Variants in CAST observed in about 807,000 individuals in gnomAD.
CAST encodes the protein calpastatin, also known as MIR583 host.
Under a neutral mutation model 119.6 loss-of-function variants are expected in CAST, and 76 were observed. The observed-to-expected ratio is 0.64, with a 90% CI of 0.53 to 0.77. CAST has a LOEUF of 0.77. CAST is among the 30% of genes least tolerant of loss of function. The probability of loss-of-function intolerance (pLI) is 0.00; values close to 1 mark genes in which losing one functional copy is unlikely to be tolerated. For missense variants in CAST, 953 were observed against 946.5 expected, an observed-to-expected ratio of 1.01 and a Z score of -0.09; for synonymous variants, 319 against 331.6, an observed-to-expected ratio of 0.96 and a Z score of 0.41.
the CAST span, among the ~76,000 whole-genome samples, chr5:96,082,871 C>T: frequency 6.6e-6 from 1 of 152,136 alleles, no homozygotes; most frequent in South Asian, 2.1e-4. Flanking sequence ...ATTTCACTCC[C>T]TACAGATACC....
chr5:96,185,525 A>G, the CAST span, among the ~76,000 whole-genome samples: 1 of 152,186 alleles, frequency 6.6e-6, no homozygotes, highest in Non-Finnish European at 1.5e-5. Context: ...TAATTTTTGT[A>G]TATGGCATAA....
chr5:96,012,974 C>G, the CAST span, among the ~76,000 whole-genome samples: 1 of 152,054 alleles, frequency 6.6e-6, no homozygotes, highest in Non-Finnish European at 1.5e-5. Context: ...GGCACTGAAG[C>G]CTGAAGCAGT....
chr5:96,330,927 T>C, the CAST span, among the ~76,000 whole-genome samples: 1 of 152,182 alleles, frequency 6.6e-6, no homozygotes, highest in Admixed American at 6.5e-5. Context: ...CAGTAACTTC[T>C]GTGCTCATCT....
chr5:96,487,509 A>T, the CAST span, among the ~76,000 whole-genome samples: 2 of 152,166 alleles, frequency 1.3e-5, no homozygotes, highest in Non-Finnish European at 2.9e-5. Flanking sequence ...GTCTCTCATG[A>T]GCTTGGGTTA....
At chr5:96,729,254 G>T in intron 7 of CAST, 45 bp downstream of exon 7, 1 of 1,023,234 alleles carries the variant, frequency 9.8e-7, no homozygotes, top group South Asian at 1.4e-5. Context: ...AACCTCTTTT[G>T]GTGGGATATA....
the CAST span, among the ~76,000 whole-genome samples, chr5:96,114,773 C>T: frequency 1.3e-5 from 2 of 152,184 alleles, no homozygotes; most frequent in Admixed American, 1.3e-4. Flanking sequence ...TGCAGGGCCC[C>T]TAAGACCTCA....
chr5:96,500,333 G>A, the CAST span, among the ~76,000 whole-genome samples: 1 of 152,092 alleles, frequency 6.6e-6, no homozygotes, highest in African/African-American at 2.4e-5. Context: ...ATAAAACAAG[G>A]TATGCCTGTA....
At chr5:96,397,288 A>G in the CAST span, 13 of 1,569,310 alleles carry the variant, frequency 8.3e-6, no homozygotes, top group African/African-American at 1.3e-5. Context: ...GTGCTTCAAA[A>G]TGTTTAAAAG....
At chr5:96,412,419 C>T in the CAST span, 19 of 1,613,770 alleles carry the variant, frequency 1.2e-5, no homozygotes, top group Admixed American at 1.7e-5. Context: ...TAAATATCCA[C>T]GTGTCCAGGA....
At chr5:96,569,203 C>G (rs1746529197) in intron 1 of CAST, among the ~76,000 whole-genome samples, 1 of 152,168 alleles carries the variant, frequency 6.6e-6, no homozygotes, top group African/African-American at 2.4e-5. Context: ...TGTCCCAGCT[C>G]TTGGAAGAAA....
At chr5:96,549,759 A>T (rs1378087032) in intron 1 of CAST, among the ~76,000 whole-genome samples, 2 of 152,252 alleles carry the variant, frequency 1.3e-5, no homozygotes, top group East Asian at 3.8e-4. Flanking sequence ...CTGTCTTGGC[A>T]GGTCCCATAC....
At chr5:96,390,843 T>C in the CAST span, 1 of 152,652 alleles carries the variant, frequency 6.6e-6, no homozygotes, top group African/African-American at 2.4e-5. Context: ...TTGGAAACAT[T>C]CAATATGATT....
intron 11 of CAST, among the ~76,000 whole-genome samples, chr5:96,738,860 G>A (rs1056451100): frequency 6.6e-6 from 1 of 151,420 alleles, no homozygotes; most frequent in African/African-American, 2.4e-5. Context: ...GCTTGAACCC[G>A]GGAGGCAGTG....
chr5:96,279,183 C>T, the CAST span, among the ~76,000 whole-genome samples: 10 of 152,184 alleles, frequency 6.6e-5, no homozygotes, highest in African/African-American at 2.4e-4. Flanking sequence ...ACACACTCTG[C>T]TCCAGGAGCC....
the CAST span, among the ~76,000 whole-genome samples, chr5:95,976,813 G>T: frequency 6.6e-6 from 1 of 152,152 alleles, no homozygotes; most frequent in South Asian, 2.1e-4. Context: ...TTGCACAGCT[G>T]CCCTGAATAA....
At chr5:96,506,131 C>A in the CAST span, among the ~76,000 whole-genome samples, 2 of 152,348 alleles carry the variant, frequency 1.3e-5, no homozygotes, top group South Asian at 4.1e-4. Context: ...TGAGAGGCTG[C>A]ACATAACACA....
At chr5:96,284,191 T>G in the CAST span, among the ~76,000 whole-genome samples, 1 of 152,162 alleles carries the variant, frequency 6.6e-6, no homozygotes, top group Non-Finnish European at 1.5e-5. Context: ...TACAAAAATG[T>G]TTTGGTGTCT....
At chr5:96,360,473 C>A in the CAST span, among the ~76,000 whole-genome samples, 1 of 152,104 alleles carries the variant, frequency 6.6e-6, no homozygotes, top group Non-Finnish European at 1.5e-5. Flanking sequence ...GATTTATCTA[C>A]CTTTGGTCTT....
At chr5:96,485,724 TA>T in the CAST span, among the ~76,000 whole-genome samples, 1 of 152,262 alleles carries the variant, frequency 6.6e-6, no homozygotes, top group African/African-American at 2.4e-5. Context: ...ACCCAAAGTG[TA>T]CTTGTTCTGG....
Sources: allele counts gnomAD v4.1 joint callset (sites outside exome capture counted in the v4.1 genomes callset), GRCh38; gene constraint gnomAD v4.1.1; transcripts MANE v1.5; gene names NCBI Gene and HGNC (gene_info 2026-07-23, HGNC 2026-07-21).